Variants in SORCS1 observed in about 807,000 individuals in gnomAD.
SORCS1 encodes VPS10 domain-containing receptor SorCS1.
In SORCS1, 60 loss-of-function variants were observed where a neutral mutation model predicts 146.1. That is an observed-to-expected ratio of 0.41 (90% confidence interval 0.33 to 0.51). SORCS1 has a LOEUF of 0.51. Ranked by LOEUF, SORCS1 falls within the 20% of genes least tolerant of loss-of-function variation. The pLI is 0.21. For synonymous variants in SORCS1, 637 were observed against 584.0 expected, an observed-to-expected ratio of 1.09 and a Z score of -1.31; for missense variants, 1,352 against 1,487.6, an observed-to-expected ratio of 0.91 and a Z score of 1.50.
intron 5 of SORCS1, among the ~76,000 whole-genome samples, chr10:106,757,790 G>T (rs78757923): frequency 6.6e-6 from 1 of 152,198 alleles, no homozygotes; most frequent in Admixed American, 6.5e-5. Context: ...AGAGACAAGA[G>T]CATTTGTTGA....
Position 107,105,374 on chromosome 10 carries a change from G to A in SORCS1, c.558+58595C>T, listed in dbSNP as rs146250222. ...TAATAGGATAGATGTATATATGAAG[G>A]AAGTTTATTAAGGAGTATTGACTCA... is the stretch of plus-strand genomic sequence containing the variant. On this transcript the variant is annotated intron_variant, in intron 1 of 25. Coordinates refer to ENST00000263054, the MANE Select transcript of SORCS1 (RefSeq NM_052918.5). 4.0e-4 allele frequency among the ~76,000 whole-genome samples: 61 copies of A among 152,314 alleles called. 1 individual carries two copies. The highest frequency in any genetic ancestry group is 1.6e-3 in the Admixed American group (24 of 15,302).
intron 1 of SORCS1, among the ~76,000 whole-genome samples, chr10:106,979,164 T>G: frequency 6.6e-6 from 1 of 152,182 alleles, no homozygotes; most frequent in East Asian, 1.9e-4. Context: ...GCATACTTTA[T>G]AGGAAAAGGT....
chr10:106,929,777 A>G (rs931129450), intron 2 of SORCS1, among the ~76,000 whole-genome samples: 85 of 143,146 alleles, frequency 5.9e-4, no homozygotes, highest in Non-Finnish European at 1.3e-3. Flanking sequence ...GCACGTGCAC[A>G]CACACACACA....
intron 23 of SORCS1, among the ~76,000 whole-genome samples, chr10:106,606,140 G>A (rs1846559110): frequency 6.6e-6 from 1 of 152,084 alleles, no homozygotes; most frequent in African/African-American, 2.4e-5. Flanking sequence ...AATGGACAAA[G>A]AAGGATAACA....
chr10:106,787,527 A>C (rs1946110245), intron 3 of SORCS1, among the ~76,000 whole-genome samples: 1 of 152,164 alleles, frequency 6.6e-6, no homozygotes, highest in South Asian at 2.1e-4. Context: ...CTGCTATGCC[A>C]ACCCTATAAA....
At chr10:106,654,408 G>A (rs1404705095) in intron 17 of SORCS1, among the ~76,000 whole-genome samples, 2 of 152,120 alleles carry the variant, frequency 1.3e-5, no homozygotes, top group African/African-American at 4.8e-5. Flanking sequence ...CTACTGCACT[G>A]CTACTTTAAA....
intron 19 of SORCS1, among the ~76,000 whole-genome samples, chr10:106,627,515 G>C (rs573771591): frequency 2.5e-4 from 38 of 152,180 alleles, no homozygotes; most frequent in Non-Finnish European, 4.3e-4. Flanking sequence ...TGTTTGTGAC[G>C]TATTGTTAAA....
intron 1 of SORCS1, among the ~76,000 whole-genome samples, chr10:107,031,474 T>G (rs1330984491): frequency 6.9e-6 from 1 of 144,310 alleles, no homozygotes; most frequent in Admixed American, 6.6e-5. Context: ...GCAAACCGCC[T>G]TGAATGACTA....
intron 2 of SORCS1, among the ~76,000 whole-genome samples, chr10:106,863,736 C>T (rs1390551940): frequency 1.3e-5 from 2 of 151,488 alleles, no homozygotes; most frequent in African/African-American, 4.9e-5. Context: ...CTAATATGCA[C>T]CATCACACTA....
chr10:106,613,038 C>G (rs1448222898), intron 21 of SORCS1, among the ~76,000 whole-genome samples: 4 of 152,018 alleles, frequency 2.6e-5, no homozygotes, highest in Admixed American at 6.6e-5. Context: ...TGGCACTACT[C>G]TGTTTTGTAC....
chr10:106,695,192 G>A (rs1264097297), intron 9 of SORCS1, among the ~76,000 whole-genome samples: 1 of 152,176 alleles, frequency 6.6e-6, no homozygotes, highest in Non-Finnish European at 1.5e-5. Context: ...CGACAAGACT[G>A]TGAGCCATGT....
intron 17 of SORCS1, among the ~76,000 whole-genome samples, chr10:106,665,378 T>TC (rs1291302211): frequency 1.3e-5 from 2 of 149,932 alleles, no homozygotes; most frequent in East Asian, 2.1e-4. Flanking sequence ...CCCTTTTTTT[T>TC]TCTCTCTCTC....
intron 2 of SORCS1, among the ~76,000 whole-genome samples, chr10:106,914,207 G>A (rs1952301994): frequency 6.6e-6 from 1 of 152,142 alleles, no homozygotes; most frequent in South Asian, 2.1e-4. Context: ...AGGATGCTGG[G>A]TTTTAAAAAC....
At chr10:106,937,250 C>A (rs1182315039) in intron 2 of SORCS1, among the ~76,000 whole-genome samples, 2 of 151,220 alleles carry the variant, frequency 1.3e-5, no homozygotes, top group Non-Finnish European at 2.9e-5. Flanking sequence ...GCTCACTGCA[C>A]CCTCCGCCTC....
intron 1 of SORCS1, among the ~76,000 whole-genome samples, chr10:107,050,857 G>T (rs1012178786): frequency 9.2e-5 from 14 of 152,072 alleles, no homozygotes; most frequent in African/African-American, 1.4e-4. Context: ...CATTGCTCAG[G>T]CATCATCCCT....
intron 2 of SORCS1, among the ~76,000 whole-genome samples, chr10:106,839,031 C>T (rs977957437): frequency 6.6e-6 from 1 of 152,138 alleles, no homozygotes; most frequent in African/African-American, 2.4e-5. Flanking sequence ...CCCTCCTTTT[C>T]TTTCCTCCCA....
intron 1 of SORCS1, among the ~76,000 whole-genome samples, chr10:107,089,650 A>T (rs1964033027): frequency 6.6e-6 from 1 of 152,228 alleles, no homozygotes; most frequent in African/African-American, 2.4e-5. Context: ...AAACAAATGA[A>T]AAAAAGGTAA....
At chr10:106,587,349 T>G (rs11596520) in intron 24 of SORCS1, among the ~76,000 whole-genome samples, 31,198 of 152,202 alleles carry the variant, frequency 0.2, 3,812 homozygotes, top group East Asian at 0.59. Flanking sequence ...AAAATGTTAT[T>G]GCAACAATTT....
intron 3 of SORCS1, among the ~76,000 whole-genome samples, chr10:106,826,331 A>G (rs1304962483): frequency 6.6e-6 from 1 of 152,240 alleles, no homozygotes; most frequent in Non-Finnish European, 1.5e-5. Context: ...CTTGCTAGAT[A>G]GCACCGCGGA....
Sources: allele counts gnomAD v4.1 joint callset (sites outside exome capture counted in the v4.1 genomes callset), GRCh38; gene constraint gnomAD v4.1.1; transcripts MANE v1.5; gene names NCBI Gene and HGNC (gene_info 2026-07-23, HGNC 2026-07-21).